GRID1: variants seen among roughly 807,000 people sequenced by gnomAD.
The protein encoded by GRID1 is glutamate ionotropic receptor delta type subunit 1, also known as glutamate receptor ionotropic, delta-1.
GRID1 carries 28 observed loss-of-function variants against 98.0 expected under a neutral mutation model. The ratio of observed to expected loss-of-function variants is 0.29; its 90% CI spans 0.21 to 0.39. GRID1 has a LOEUF of 0.39. Ranked by LOEUF, GRID1 falls within the 10% of genes least tolerant of loss-of-function variation. The pLI is 1.00. For missense variants in GRID1, 1,111 were observed against 1,340.5 expected (o/e 0.83, Z 2.67); for synonymous variants, 553 against 538.5 (o/e 1.03, Z -0.37).
chr10:85,640,312 T>C (rs767758936), intron 13 of GRID1, among the ~76,000 whole-genome samples: 1 of 152,126 alleles, frequency 6.6e-6, no homozygotes, highest in Non-Finnish European at 1.5e-5. Context: ...AAATCCCCAA[T>C]CCATACTCAC....
intron 6 of GRID1, among the ~76,000 whole-genome samples, chr10:85,865,024 A>T (rs745500247): frequency 1.3e-5 from 2 of 152,202 alleles, no homozygotes; most frequent in Non-Finnish European, 2.9e-5. Flanking sequence ...GTACAGTTCC[A>T]GAGACAGAGT....
chr10:85,615,291 C>T (rs547524940), intron 14 of GRID1, among the ~76,000 whole-genome samples: 1 of 152,324 alleles, frequency 6.6e-6, no homozygotes, highest in African/African-American at 2.4e-5. Context: ...CACCAGACCT[C>T]ACCTGGACCA....
At chr10:86,003,194 T>C (rs1313253796) in intron 4 of GRID1, among the ~76,000 whole-genome samples, 2 of 152,216 alleles carry the variant, frequency 1.3e-5, no homozygotes, top group African/African-American at 4.8e-5. Flanking sequence ...CAAGCACGTG[T>C]TGAGCCATGG....
intron 4 of GRID1, among the ~76,000 whole-genome samples, chr10:86,119,523 T>G (rs1844635565): frequency 6.6e-6 from 1 of 152,142 alleles, no homozygotes. Flanking sequence ...TCCTAAAATT[T>G]AAAGTTTATT....
rs539601476 is a variant in GRID1, at chr10:86,107,190, C to T, written c.726+31629G>A. Among the ~76,000 whole-genome samples, 4 of 152,220 alleles carry T rather than the reference C, an allele frequency of 2.6e-5. No individual in the cohort carries two copies. In the East Asian group the frequency reaches 7.7e-4, roughly 29 times the overall value. ...TAGCGCTTTGCCTTAGGTGGCACCACGGCACACCTGCATCCTATCCAGGTG... is the reference window on the plus strand; with the variant it reads ...TAGCGCTTTGCCTTAGGTGGCACCATGGCACACCTGCATCCTATCCAGGTG... On this transcript the variant is annotated intron_variant, in intron 4 of 15. Coordinates refer to ENST00000327946, the MANE Select transcript of GRID1 (RefSeq NM_017551.3).
At chr10:85,853,148 G>GCTCC (rs1477854400) in intron 8 of GRID1, among the ~76,000 whole-genome samples, 1 of 151,806 alleles carries the variant, frequency 6.6e-6, no homozygotes, top group African/African-American at 2.4e-5. Context: ...GCTCTACACG[G>GCTCC]CTCCCTCCCT....
intron 8 of GRID1, among the ~76,000 whole-genome samples, chr10:85,847,692 C>T (rs1843019552): frequency 6.6e-6 from 1 of 151,164 alleles, no homozygotes; most frequent in South Asian, 2.1e-4. Flanking sequence ...CAAATCCATC[C>T]CAGTTAGATG....
At chr10:85,611,263 T>C (rs948818615) in intron 15 of GRID1, among the ~76,000 whole-genome samples, 1 of 152,162 alleles carries the variant, frequency 6.6e-6, no homozygotes, top group Non-Finnish European at 1.5e-5. Flanking sequence ...CAGGCTGAAA[T>C]TGTCCAAACC....
chr10:86,152,704 G>T (rs561195260), intron 3 of GRID1, among the ~76,000 whole-genome samples: 15 of 152,322 alleles, frequency 9.8e-5, no homozygotes, highest in African/African-American at 3.4e-4. Context: ...AGGCTGTCTA[G>T]GGGTAGGACC....
rs567514836 is a variant in GRID1 at position 85,785,703 on chromosome 10, C to T, written c.1234-56089G>A. Reference sequence around the variant, plus strand: ...CTCATTGGACTTCATGGTGAAGCCCCGGTAATAAATGGTTTACACCCAACT... The same window carrying T: ...CTCATTGGACTTCATGGTGAAGCCCTGGTAATAAATGGTTTACACCCAACT... On this transcript the variant is annotated intron_variant, in intron 8 of 15. Transcript: ENST00000327946. Among the ~76,000 whole-genome samples the T allele has an allele frequency of 3.9e-5, 6 of 152,168 alleles. No individual in the cohort carries two copies. The East Asian group carries it at 5.8e-4, about 15-fold the overall frequency.
At chr10:85,780,533 C>T (rs181896158) in intron 8 of GRID1, among the ~76,000 whole-genome samples, 1 of 152,318 alleles carries the variant, frequency 6.6e-6, no homozygotes, top group African/African-American at 2.4e-5. Context: ...GCTCCCCCAT[C>T]ACTAGGATGT....
At chr10:86,127,539 C>T (rs193082955) in intron 4 of GRID1, among the ~76,000 whole-genome samples, 2 of 152,292 alleles carry the variant, frequency 1.3e-5, no homozygotes, top group Admixed American at 1.3e-4. Flanking sequence ...CATCTGGAGC[C>T]CAGGCAGCAC....
chr10:86,157,829 A>G (rs1845267311), intron 3 of GRID1, among the ~76,000 whole-genome samples: 1 of 152,134 alleles, frequency 6.6e-6, no homozygotes, highest in Non-Finnish European at 1.5e-5. Flanking sequence ...TGTTGTCAGC[A>G]CCCTCTCCAT....
chr10:86,288,278 G>A (rs1007933548), intron 2 of GRID1, among the ~76,000 whole-genome samples: 8 of 152,196 alleles, frequency 5.3e-5, no homozygotes, highest in Admixed American at 5.2e-4. Flanking sequence ...GGAGCGTTCA[G>A]GCATGGCTGA....
At chr10:85,750,362 G>T (rs779241445) in intron 8 of GRID1, among the ~76,000 whole-genome samples, 1 of 152,184 alleles carries the variant, frequency 6.6e-6, no homozygotes, top group Non-Finnish European at 1.5e-5. Flanking sequence ...TTGGCTGAAA[G>T]ATATGATTAC....
At chr10:86,227,366 T>A (rs996477050) in intron 2 of GRID1, among the ~76,000 whole-genome samples, 1 of 152,134 alleles carries the variant, frequency 6.6e-6, no homozygotes, top group Non-Finnish European at 1.5e-5. Flanking sequence ...CCCTAAGAAC[T>A]TGCTCATAGT....
intron 5 of GRID1, among the ~76,000 whole-genome samples, chr10:85,871,567 T>A (rs1032831008): frequency 6.6e-6 from 1 of 152,214 alleles, no homozygotes; most frequent in East Asian, 1.9e-4. Flanking sequence ...TTGAAATAAG[T>A]CTTAAATCTT....
chr10:85,650,705 A>T (rs1366276384), intron 12 of GRID1, among the ~76,000 whole-genome samples: 4 of 152,230 alleles, frequency 2.6e-5, no homozygotes, highest in Non-Finnish European at 2.9e-5. Flanking sequence ...AGGGAACATT[A>T]AGCTGAGTCA....
chr10:86,225,979 A>T (rs1846336084), intron 2 of GRID1, among the ~76,000 whole-genome samples: 1 of 152,106 alleles, frequency 6.6e-6, no homozygotes, highest in East Asian at 1.9e-4. Context: ...GGACCCACTC[A>T]TTGGGGCTTT....
Sources: allele counts gnomAD v4.1 joint callset (sites outside exome capture counted in the v4.1 genomes callset), GRCh38; gene constraint gnomAD v4.1.1; transcripts MANE v1.5; gene names NCBI Gene and HGNC (gene_info 2026-07-23, HGNC 2026-07-21).